Variants in TEX10 observed in about 807,000 individuals in gnomAD.
TEX10 encodes the protein testis-expressed protein 10.
Under a neutral mutation model 104.4 loss-of-function variants are expected in TEX10, and 24 were observed. The ratio of observed to expected loss-of-function variants is 0.23; its 90% CI spans 0.17 to 0.32. TEX10 has a LOEUF of 0.32. Ranked by LOEUF, TEX10 falls within the 10% of genes least tolerant of loss-of-function variation. The pLI, the probability that TEX10 is intolerant of heterozygous loss-of-function variation, is 1.00. For missense variants in TEX10, 921 were observed against 1,083.9 expected (o/e 0.85, Z 2.11); for synonymous variants, 396 against 393.4 (o/e 1.01, Z -0.08).
chr9:100,336,600 T>C (rs1340041395), intron 5 of TEX10, among the ~76,000 whole-genome samples: 1 of 152,206 alleles, frequency 6.6e-6, no homozygotes, highest in Non-Finnish European at 1.5e-5. Context: ...TTCTACATTA[T>C]GGTAAACTGT....
At chr9:100,348,358 C>A (rs1835353587) in intron 2 of TEX10, among the ~76,000 whole-genome samples, 1 of 152,184 alleles carries the variant, frequency 6.6e-6, no homozygotes, top group African/African-American at 2.4e-5. Flanking sequence ...TAGCATAACT[C>A]TGTAAATATA....
intron 11 of TEX10, among the ~76,000 whole-genome samples, chr9:100,311,218 G>A (rs1284852921): frequency 2.6e-5 from 4 of 151,792 alleles, no homozygotes; most frequent in African/African-American, 9.7e-5. Context: ...GCAACATAGT[G>A]GTACCTCATC....
chr9:100,352,746 C>T, intron 1 of TEX10, 26 bp downstream of exon 1: 2 of 1,166,310 alleles, frequency 1.7e-6, no homozygotes, highest in South Asian at 3.1e-5. Flanking sequence ...CGGGAGGACC[C>T]GGCCCGACGG....
At position 100,349,176 on chromosome 9, in the gene TEX10, T is replaced by C. The variant is rs764663700; in HGVS notation, c.180+8A>G. 9.2e-6 allele frequency: 14 copies of C among 1,524,428 alleles called. No individual in the cohort carries two copies. Among genetic ancestry groups the C allele is most frequent in the Non-Finnish European group, 1.2e-5 (14 of 1,141,938 alleles). 94.4% of individuals were successfully genotyped at this position (1,524,428 alleles called of 1,614,324 possible). On this transcript the variant is annotated splice_region_variant and intron_variant, in intron 2 of 14. Coordinates refer to ENST00000374902, the MANE Select transcript of TEX10 (RefSeq NM_017746.4). ...TCTTATTTTGTCAAAACATGATTTATGATTTACCTTTATGTTAAGTTTTCT... is the reference window on the plus strand; with the variant it reads ...TCTTATTTTGTCAAAACATGATTTACGATTTACCTTTATGTTAAGTTTTCT...
intron 5 of TEX10, among the ~76,000 whole-genome samples, chr9:100,339,361 T>C (rs1006565134): frequency 5.5e-5 from 4 of 73,046 alleles, no homozygotes; most frequent in Non-Finnish European, 8.7e-5. Flanking sequence ...TTTTTATATA[T>C]TTATATATAT....
chr9:100,327,981 G>T lies in TEX10; in HGVS notation c.1626-19C>A, dbSNP rs370227771. On this transcript the variant is annotated intron_variant, in intron 7 of 14. Transcript: ENST00000374902. ...ACGATATCTTAGAAAGGCCAAAGAA[G>T]AATAAAATGTAATACTCAAAGACAA... is the stretch of plus-strand genomic sequence containing the variant. 3 of 1,473,404 alleles carry T rather than the reference G, an allele frequency of 2.0e-6. No homozygotes were observed. The highest frequency in any genetic ancestry group is 2.8e-5 in the African/African-American group (2 of 70,688). 91.3% of individuals were successfully genotyped at this position (1,473,404 alleles called of 1,614,324 possible).
At chr9:100,332,373 T>G (rs1225460720) in intron 5 of TEX10, among the ~76,000 whole-genome samples, 1 of 152,232 alleles carries the variant, frequency 6.6e-6, no homozygotes, top group South Asian at 2.1e-4. Flanking sequence ...AAAGTCTCAA[T>G]GGACATCTGC....
chr9:100,324,601 G>A (rs1412565071), intron 9 of TEX10, among the ~76,000 whole-genome samples: 1 of 151,842 alleles, frequency 6.6e-6, no homozygotes, highest in African/African-American at 2.4e-5. Context: ...CCCAATTCTC[G>A]CCACTCATCG....
intron 4 of TEX10, among the ~76,000 whole-genome samples, chr9:100,341,954 CCA>C (rs1835185041): frequency 6.6e-6 from 1 of 152,190 alleles, no homozygotes; most frequent in Middle Eastern, 3.2e-3. Context: ...GGTCTTTTCG[CCA>C]CACTCAGGTT....
At chr9:100,303,047 G>C (rs1381885443) in intron 14 of TEX10, among the ~76,000 whole-genome samples, 2 of 151,904 alleles carry the variant, frequency 1.3e-5, no homozygotes, top group African/African-American at 4.8e-5. Flanking sequence ...TGCAACTTCT[G>C]ATTTTCTTAC....
intron 4 of TEX10, 63 bp downstream of exon 4, chr9:100,346,009 A>C: frequency 1.3e-6 from 2 of 1,526,484 alleles, no homozygotes; most frequent in Non-Finnish European, 8.8e-7. Context: ...GCTGATTTCG[A>C]ATCTTGCCAT....
At chr9:100,303,152 T>G (rs1313586519) in intron 14 of TEX10, among the ~76,000 whole-genome samples, 2 of 152,210 alleles carry the variant, frequency 1.3e-5, no homozygotes, top group Non-Finnish European at 2.9e-5. Context: ...TTAACAAATG[T>G]CAGGTATACT....
intron 11 of TEX10, 107 bp from the exon 12 acceptor site, chr9:100,310,486 T>C: frequency 2.9e-6 from 3 of 1,017,104 alleles, no homozygotes; most frequent in Non-Finnish European, 4.4e-6. Context: ...TCGCCCAGGC[T>C]GGAGTGCAGT....
chr9:100,326,409 G>A lies in TEX10; in HGVS notation c.1872C>T (p.Phe624=). ...SQQRLVQLVY[F]LPSLPADLLS... ...GCAAATCAGCCGGCAGACTGGGTAG[G>A]AAATATACAAGCTGAACCAAACGCT... The change falls in exon 9 of 15, where the codon TTC becomes TTT. Residue 624 remains phenylalanine (F), a synonymous_variant. Coordinates refer to ENST00000374902, the MANE Select transcript of TEX10 (RefSeq NM_017746.4). 6.2e-7 allele frequency: 1 copy of A among 1,613,814 alleles called. No individual in the cohort carries two copies. Among genetic ancestry groups the A allele is most frequent in the Non-Finnish European group, 8.5e-7 (1 of 1,179,970 alleles).
At chr9:100,317,863 AG>A (rs1834461337) in intron 11 of TEX10, among the ~76,000 whole-genome samples, 1 of 152,220 alleles carries the variant, frequency 6.6e-6, no homozygotes, top group Admixed American at 6.5e-5. Context: ...TTGGCCAAAA[AG>A]GCACACATGA....
intron 1 of TEX10, among the ~76,000 whole-genome samples, chr9:100,351,405 G>C (rs1160960319): frequency 3.3e-5 from 1 of 30,026 alleles, no homozygotes; most frequent in Non-Finnish European, 5.2e-5. Flanking sequence ...GGGGTCGGTG[G>C]GTGGGTGGGT....
intron 5 of TEX10, among the ~76,000 whole-genome samples, chr9:100,334,942 G>T (rs557281583): frequency 6.6e-6 from 1 of 152,174 alleles, no homozygotes; most frequent in Non-Finnish European, 1.5e-5. Context: ...TGGGATTACA[G>T]GCGTGAGCCA....
intron 5 of TEX10, among the ~76,000 whole-genome samples, chr9:100,335,433 C>T (rs1285824408): frequency 6.6e-6 from 1 of 152,026 alleles, no homozygotes; most frequent in African/African-American, 2.4e-5. Flanking sequence ...GGTCTCCTGA[C>T]CTCATGGTCC....
intron 14 of TEX10, 92 bp from the exon 15 acceptor site, chr9:100,302,396 G>C: frequency 1.2e-6 from 1 of 831,862 alleles, no homozygotes; most frequent in South Asian, 2.0e-5. Context: ...ATTTCCCAGA[G>C]CTTTGGCAAC....
Sources: gnomAD v4.1 joint callset for allele counts (sites outside exome capture counted in the v4.1 genomes callset) on GRCh38, gnomAD v4.1.1 for gene constraint, MANE v1.5 for transcripts, NCBI Gene and HGNC (gene_info 2026-07-23, HGNC 2026-07-21) for gene names.